NFKB1: variants seen among roughly 807,000 people sequenced by gnomAD.
NFKB1 encodes the protein nuclear factor NF-kappa-B p105 subunit.
Under a neutral mutation model 105.1 loss-of-function variants are expected in NFKB1, and 9 were observed. The ratio of observed to expected loss-of-function variants is 0.09; its 90% CI spans 0.05 to 0.15. The LOEUF (loss-of-function observed/expected upper bound fraction) is 0.15, where lower values mean the gene tolerates loss of function less well. NFKB1 is among the 10% of genes least tolerant of loss of function. NFKB1 has a pLI of 1.00. For synonymous variants in NFKB1, 440 were observed against 442.2 expected, an observed-to-expected ratio of 1.00 and a Z score of 0.06; for missense variants, 830 against 1,203.7, an observed-to-expected ratio of 0.69 and a Z score of 4.59.
intron 19 of NFKB1, among the ~76,000 whole-genome samples, chr4:102,609,469 G>T (rs1481124732): frequency 1.3e-5 from 2 of 151,668 alleles, no homozygotes; most frequent in African/African-American, 4.8e-5. Flanking sequence ...AAACTTAGCT[G>T]GGCGTGGTGG....
rs191134653 is a variant in NFKB1, at chr4:102,507,505, T to C, written c.-8+5717T>C. Among the ~76,000 whole-genome samples, 97 of 152,292 alleles carry C rather than the reference T, an allele frequency of 6.4e-4. 1 individual carries two copies. The highest frequency in any genetic ancestry group is 2.2e-3 in the African/African-American group (90 of 41,566). On this transcript the variant is annotated intron_variant, in intron 1 of 23. Transcript: ENST00000226574. Reference sequence around the variant, plus strand: ...TCAGTAGAGATGGGATTTTGCTCTGTTGGCCAGGCTGGTCTCAAACTCCTG... The same window carrying C: ...TCAGTAGAGATGGGATTTTGCTCTGCTGGCCAGGCTGGTCTCAAACTCCTG...
rs751158419 is a variant in NFKB1 at position 102,577,026 on chromosome 4, C to T, written c.558C>T (p.Asp186=). Residue 186 remains aspartate, a synonymous_variant, in exon 7 of 24, where the codon GAC becomes GAT. Coordinates refer to ENST00000226574, the MANE Select transcript of NFKB1 (RefSeq NM_003998.4). ...ATTTGCAAGCAGAAGGTGGAGGGGACCGGCAGCTGGGAGGTAAGCATCATT... is the reference window on the plus strand; with the variant it reads ...ATTTGCAAGCAGAAGGTGGAGGGGATCGGCAGCTGGGAGGTAAGCATCATT... The part of the protein sequence containing the change: ...LAYLQAEGGG[D]RQLGDREKEL... 1 of 1,610,122 alleles carries T rather than the reference C, an allele frequency of 6.2e-7. No homozygotes were observed. The highest frequency in any genetic ancestry group is 1.1e-5 in the South Asian group (1 of 90,200).
intron 15 of NFKB1, among the ~76,000 whole-genome samples, chr4:102,599,954 A>G (rs897835586): frequency 6.6e-5 from 10 of 152,194 alleles, no homozygotes; most frequent in African/African-American, 2.4e-4. Context: ...CACCACCAGT[A>G]TGTTCAGCCT....
intron 11 of NFKB1, among the ~76,000 whole-genome samples, chr4:102,588,389 A>G (rs994458579): frequency 4.6e-5 from 7 of 152,224 alleles, no homozygotes; most frequent in Middle Eastern, 3.4e-3. Flanking sequence ...CGAAATAATC[A>G]AGAGAAGGAT....
At chr4:102,554,897 G>A (rs781496148) in intron 5 of NFKB1, among the ~76,000 whole-genome samples, 1 of 152,178 alleles carries the variant, frequency 6.6e-6, no homozygotes. Context: ...TACCTGAGAG[G>A]TGAATTTATA....
chr4:102,599,676 CT>C, intron 15 of NFKB1, among the ~76,000 whole-genome samples: 1 of 152,174 alleles, frequency 6.6e-6, no homozygotes. Context: ...TGAATCCCAG[CT>C]TCACCACGTA....
At chr4:102,559,260 T>C (rs1034498832) in intron 5 of NFKB1, among the ~76,000 whole-genome samples, 1 of 152,184 alleles carries the variant, frequency 6.6e-6, no homozygotes, top group Non-Finnish European at 1.5e-5. Flanking sequence ...TAAAGGTTTT[T>C]GTTTTAACTT....
intron 5 of NFKB1, among the ~76,000 whole-genome samples, chr4:102,553,912 A>G (rs987466791): frequency 2.6e-5 from 4 of 152,172 alleles, no homozygotes; most frequent in African/African-American, 9.7e-5. Flanking sequence ...TGTTGATTGT[A>G]TGTTTTCTCA....
At chr4:102,583,719 CATG>C (rs1388282278) in intron 10 of NFKB1, among the ~76,000 whole-genome samples, 3 of 151,646 alleles carry the variant, frequency 2.0e-5, no homozygotes, top group African/African-American at 7.3e-5. Flanking sequence ...CATTTAATAA[CATG>C]ATAATGCTGA....
chr4:102,591,991 C>T (rs908027802), intron 11 of NFKB1, among the ~76,000 whole-genome samples: 1 of 152,110 alleles, frequency 6.6e-6, no homozygotes, highest in African/African-American at 2.4e-5. Context: ...TTCCAGCCCT[C>T]GTGGGTGACA....
intron 5 of NFKB1, among the ~76,000 whole-genome samples, chr4:102,540,799 G>A (rs1162400880): frequency 6.6e-6 from 1 of 151,864 alleles, no homozygotes; most frequent in African/African-American, 2.4e-5. Context: ...TTTTTCCAGA[G>A]CTCTTCTCCA....
At chr4:102,560,006 ATACATTATT>A (rs1465646886) in intron 5 of NFKB1, among the ~76,000 whole-genome samples, 22 of 152,006 alleles carry the variant, frequency 1.4e-4, no homozygotes, top group Non-Finnish European at 3.1e-4. Context: ...TCAGTATTAT[ATACATTATT>A]TTCTGTTTAA....
intron 5 of NFKB1, among the ~76,000 whole-genome samples, chr4:102,552,016 TG>T (rs1338914431): frequency 6.6e-6 from 1 of 152,172 alleles, no homozygotes; most frequent in Non-Finnish European, 1.5e-5. Context: ...CAATGCAATG[TG>T]ACTACGAAAC....
Position 102,525,497 on chromosome 4 carries a change from T to C in NFKB1, c.-7-15T>C. ...CTAGTGTTACAGTTTTGTTTTGTTT[T>C]GTTTTAATACACAGCTTCAGAATGG... On this transcript the variant is annotated splice_polypyrimidine_tract_variant and intron_variant, in intron 1 of 23. Transcript: ENST00000226574. 2 of 1,612,580 alleles carry C rather than the reference T, an allele frequency of 1.2e-6. No individual in the cohort carries two copies. The highest frequency in any genetic ancestry group is 1.7e-6 in the Non-Finnish European group (2 of 1,179,254).
At chr4:102,566,851 C>A in intron 5 of NFKB1, 136 bp from the exon 6 acceptor site, 1 of 784,630 alleles carries the variant, frequency 1.3e-6, no homozygotes, top group Non-Finnish European at 2.0e-6. Flanking sequence ...CTTTTAAAAA[C>A]AGGGCTGTAA....
chr4:102,533,928 T>A, intron 4 of NFKB1, 43 bp downstream of exon 4: 1 of 1,525,796 alleles, frequency 6.6e-7, no homozygotes, highest in Non-Finnish European at 9.0e-7. Flanking sequence ...GATTCCAGTG[T>A]CTAATATTGA....
At chr4:102,612,178 C>G (rs1728483963) in intron 21 of NFKB1, 68 bp downstream of exon 21, 10 of 1,369,042 alleles carry the variant, frequency 7.3e-6, no homozygotes, top group Non-Finnish European at 1.0e-5. Flanking sequence ...AAGGGAGGAA[C>G]CAGCATTATC....
At chr4:102,586,850 G>A (rs1725749700) in intron 11 of NFKB1, among the ~76,000 whole-genome samples, 2 of 152,222 alleles carry the variant, frequency 1.3e-5, no homozygotes, top group South Asian at 4.1e-4. Context: ...CCACATGGGT[G>A]GGTGTTGTCT....
At chr4:102,614,748 C>T (rs4648127) in intron 23 of NFKB1, among the ~76,000 whole-genome samples, 6,734 of 152,102 alleles carry the variant, frequency 0.044, 226 homozygotes, top group South Asian at 0.096. Flanking sequence ...CCATTCCTGG[C>T]TCCTCCACAG....
Sources: gnomAD v4.1 joint callset for allele counts (sites outside exome capture counted in the v4.1 genomes callset) on GRCh38, gnomAD v4.1.1 for gene constraint, MANE v1.5 for transcripts, NCBI Gene and HGNC (gene_info 2026-07-23, HGNC 2026-07-21) for gene names.